Variants in CCDC102B observed in about 807,000 individuals in gnomAD.
The protein encoded by CCDC102B is coiled-coil domain-containing protein 102B.
A neutral mutation model predicts 57.4 loss-of-function variants in CCDC102B; 75 were observed. The observed-to-expected ratio is 1.31, with a 90% CI of 1.08 to 1.58. The LOEUF (loss-of-function observed/expected upper bound fraction) is 1.58, where lower values mean the gene tolerates loss of function less well. Ranked by LOEUF, CCDC102B falls within the 40% of genes most tolerant of loss-of-function variation. CCDC102B has a pLI of 0.00. For synonymous variants in CCDC102B, 206 were observed against 201.9 expected, an observed-to-expected ratio of 1.02 and a Z score of -0.17; for missense variants, 636 against 582.6, an observed-to-expected ratio of 1.09 and a Z score of -0.94.
chr18:69,030,812 G>A lies in CCDC102B; in HGVS notation c.1434+19708G>A, dbSNP rs567958790. Among the ~76,000 whole-genome samples, 9 of 152,128 alleles carry A rather than the reference G, an allele frequency of 5.9e-5. No homozygotes were observed. In the South Asian group the frequency reaches 8.3e-4, roughly 14 times the overall value. ...TGGGACTACAGGTGTACACCACCAC[G>A]CCCGGATCATTTTTGTATTTTTAGT... On this transcript the variant is annotated intron_variant, in intron 7 of 7. Transcript: ENST00000360242.
Position 68,859,674 on chromosome 18 carries a change from T to G in CCDC102B, c.936+13253T>G, listed in dbSNP as rs1387268326. Among the ~76,000 whole-genome samples, 3 of 62,568 alleles carry G rather than the reference T, an allele frequency of 4.8e-5. 1 individual carries two copies. The highest frequency in any genetic ancestry group is 1.2e-4 in the Non-Finnish European group (3 of 25,476). 41.0% of individuals were successfully genotyped at this position (62,568 alleles called of 152,430 possible). A position where few individuals can be genotyped will look rare whatever the true frequency, so the allele number is the denominator to read the frequency against. ...ACAGACACTTCTCAAAAGAAGACAT[T>G]TATGCAGCCAAAAAACACATGAAAA... On this transcript the variant is annotated intron_variant, in intron 4 of 7. Coordinates refer to ENST00000360242, the MANE Select transcript of CCDC102B (RefSeq NM_024781.3).
At chr18:68,920,857 ATTATGGGGT>A (rs1407204860) in intron 6 of CCDC102B, among the ~76,000 whole-genome samples, 2 of 152,260 alleles carry the variant, frequency 1.3e-5, no homozygotes, top group South Asian at 4.1e-4. Flanking sequence ...GCACGTGGGA[ATTATGGGGT>A]TTATGAGGGT....
chr18:69,000,647 C>T (rs563317854), intron 6 of CCDC102B, among the ~76,000 whole-genome samples: 1 of 152,018 alleles, frequency 6.6e-6, no homozygotes, highest in Non-Finnish European at 1.5e-5. Flanking sequence ...ATTGTTATAA[C>T]AGAGTAAGTC....
At chr18:68,819,434 T>G (rs1355759091) in intron 1 of CCDC102B, among the ~76,000 whole-genome samples, 1 of 152,108 alleles carries the variant, frequency 6.6e-6, no homozygotes, top group East Asian at 1.9e-4. Context: ...TTCATTTGTC[T>G]ATTTGTCTCT....
At chr18:68,881,585 AT>A (rs1318194223) in intron 5 of CCDC102B, among the ~76,000 whole-genome samples, 1 of 152,120 alleles carries the variant, frequency 6.6e-6, no homozygotes, top group East Asian at 1.9e-4. Flanking sequence ...CATCCAAACA[AT>A]TGAAGACCTA....
chr18:68,813,292 T>C (rs2036343706), intron 1 of CCDC102B, among the ~76,000 whole-genome samples: 1 of 152,078 alleles, frequency 6.6e-6, no homozygotes, highest in East Asian at 1.9e-4. Context: ...TCCCCAGTCA[T>C]GTGGAAATGT....
At chr18:68,928,764 C>G (rs891832516) in intron 6 of CCDC102B, among the ~76,000 whole-genome samples, 14 of 151,834 alleles carry the variant, frequency 9.2e-5, no homozygotes, top group Non-Finnish European at 1.5e-5. Flanking sequence ...TTTTAATTAA[C>G]TTGAGCCTTT....
At chr18:68,856,007 G>A (rs1453120316) in intron 4 of CCDC102B, among the ~76,000 whole-genome samples, 1 of 152,092 alleles carries the variant, frequency 6.6e-6, no homozygotes, top group Non-Finnish European at 1.5e-5. Context: ...GAAGGAATGA[G>A]TGAGAAAAAA....
intron 6 of CCDC102B, among the ~76,000 whole-genome samples, chr18:68,902,011 A>AG (rs2040472063): frequency 6.6e-6 from 1 of 152,220 alleles, no homozygotes; most frequent in Non-Finnish European, 1.5e-5. Flanking sequence ...TGAGGCTTCC[A>AG]GGTGACACTG....
chr18:68,922,490 C>G (rs1023114805), intron 6 of CCDC102B, among the ~76,000 whole-genome samples: 1 of 152,144 alleles, frequency 6.6e-6, no homozygotes, highest in Non-Finnish European at 1.5e-5. Flanking sequence ...TCAGAAGCAG[C>G]ACTTGAATTT....
rs920969516 is a variant in CCDC102B, at chr18:68,748,226, G to A, written c.-67+31632G>A. 9.9e-4 allele frequency among the ~76,000 whole-genome samples: 150 copies of A among 150,808 alleles called. 1 individual carries two copies. The highest frequency in any genetic ancestry group is 6.8e-3 in the Middle Eastern group (2 of 292). On this transcript the variant is annotated intron_variant, in intron 2 of 3. Coordinates refer to the CCDC102B transcript ENST00000578970. The stretch of plus-strand genomic sequence containing the variant: ...AACTGGTGTGTGTGTGTGTGTGTGT[G>A]TGTGTGTGTGTGTGTGTGTGTGTGT...
chr18:68,754,108 AT>A (rs2145252633), intron 2 of CCDC102B: 1 of 152,280 alleles, frequency 6.6e-6, no homozygotes, highest in East Asian at 1.9e-4. Context: ...AGAAAAACAT[AT>A]TATTACTTGG....
chr18:68,865,119 A>C (rs1355790838), intron 4 of CCDC102B, among the ~76,000 whole-genome samples: 1 of 152,038 alleles, frequency 6.6e-6, no homozygotes, highest in Non-Finnish European at 1.5e-5. Context: ...AGCCTCTTCT[A>C]TTCACTCACA....
intron 2 of CCDC102B, among the ~76,000 whole-genome samples, chr18:68,786,231 G>A (rs1454860749): frequency 6.6e-6 from 1 of 152,106 alleles, no homozygotes; most frequent in Non-Finnish European, 1.5e-5. Context: ...GGTTACTGTA[G>A]CCTTGTAGTA....
intron 2 of CCDC102B, among the ~76,000 whole-genome samples, chr18:68,723,336 T>C (rs2032442955): frequency 6.6e-6 from 1 of 152,150 alleles, no homozygotes; most frequent in South Asian, 2.1e-4. Context: ...CCAAATCTCA[T>C]GTTCTCACCT....
At chr18:68,967,293 A>G (rs2050189312) in intron 6 of CCDC102B, among the ~76,000 whole-genome samples, 1 of 152,090 alleles carries the variant, frequency 6.6e-6, no homozygotes, top group African/African-American at 2.4e-5. Context: ...ATTTTGTTAT[A>G]CTCTTTAAAA....
chr18:68,969,960 A>T lies in CCDC102B; in HGVS notation c.1264-40974A>T, dbSNP rs114293401. Among the ~76,000 whole-genome samples the T allele has an allele frequency of 4.0e-3, 602 of 152,208 alleles. 2 individuals are homozygous for T. The highest frequency in any genetic ancestry group is 0.013 in the African/African-American group (537 of 41,574). Reference sequence around the variant, plus strand: ...ATATGGATTTATTCTGGTAAGAGAAAATTATATAGCCTTGAAATAACAATT... The same window carrying T: ...ATATGGATTTATTCTGGTAAGAGAATATTATATAGCCTTGAAATAACAATT... On this transcript the variant is annotated intron_variant, in intron 6 of 7. Transcript: ENST00000360242.
At chr18:68,774,070 A>G (rs542305230) in intron 2 of CCDC102B, among the ~76,000 whole-genome samples, 56 of 152,002 alleles carry the variant, frequency 3.7e-4, no homozygotes, top group Non-Finnish European at 6.5e-4. Flanking sequence ...AAAATTAGGC[A>G]GGTGGTTTAC....
At position 68,955,345 on chromosome 18, in the gene CCDC102B, A is replaced by G. The variant is rs754222718; in HGVS notation, c.1264-55589A>G. On this transcript the variant is annotated intron_variant, in intron 6 of 7. Transcript: ENST00000360242. ...CATGCTAGACATTTTGCATAGCTACATAATTTAATTATTTATGAATCTAGA... is the reference window on the plus strand; with the variant it reads ...CATGCTAGACATTTTGCATAGCTACGTAATTTAATTATTTATGAATCTAGA... Among the ~76,000 whole-genome samples, 16 of 152,194 alleles carry G rather than the reference A, an allele frequency of 1.1e-4. 1 individual carries two copies. Among genetic ancestry groups the G allele is most frequent in the Admixed American group, 2.0e-4 (3 of 15,262 alleles).
Sources: allele counts gnomAD v4.1 joint callset (sites outside exome capture counted in the v4.1 genomes callset), GRCh38; gene constraint gnomAD v4.1.1; transcripts MANE v1.5; gene names NCBI Gene and HGNC (gene_info 2026-07-23, HGNC 2026-07-21).